Variants in ACACB observed in about 807,000 individuals in gnomAD.
ACACB encodes acetyl-CoA carboxylase 2.
In ACACB, 209 loss-of-function variants were observed where a neutral mutation model predicts 278.8. That is an observed-to-expected ratio of 0.75 (90% CI 0.67 to 0.84). The LOEUF (loss-of-function observed/expected upper bound fraction) is 0.84, where lower values mean the gene tolerates loss of function less well. Ranked by LOEUF, ACACB falls within the 40% of genes least tolerant of loss-of-function variation. The probability of loss-of-function intolerance (pLI) is 0.00; values close to 1 mark genes in which losing one functional copy is unlikely to be tolerated. For synonymous variants in ACACB, 1,174 were observed against 1,285.6 expected, an observed-to-expected ratio of 0.91 and a Z score of 1.86; for missense variants, 2,850 against 3,269.0, an observed-to-expected ratio of 0.87 and a Z score of 3.13.
intron 22 of ACACB, among the ~76,000 whole-genome samples, chr12:109,216,167 T>C (rs1372909385): frequency 6.6e-6 from 1 of 151,388 alleles, no homozygotes; most frequent in Admixed American, 6.6e-5. Context: ...ACTCCTGGGC[T>C]CCAGTGATCC....
intron 2 of ACACB, among the ~76,000 whole-genome samples, chr12:109,158,054 C>T (rs1166429050): frequency 6.6e-6 from 1 of 152,106 alleles, no homozygotes; most frequent in Non-Finnish European, 1.5e-5. Flanking sequence ...GCCGGGGACC[C>T]CACCTCTACC....
chr12:109,239,527 C>A (rs1441668147), intron 34 of ACACB, among the ~76,000 whole-genome samples: 1 of 152,238 alleles, frequency 6.6e-6, no homozygotes, highest in Non-Finnish European at 1.5e-5. Context: ...CTCTGGTTCT[C>A]AGGAATCTGG....
At chr12:109,258,054 C>G (rs1021846414) in intron 45 of ACACB, among the ~76,000 whole-genome samples, 2 of 152,258 alleles carry the variant, frequency 1.3e-5, no homozygotes, top group African/African-American at 4.8e-5. Flanking sequence ...TCCCAGCCCT[C>G]CTCTGATGGT....
chr12:109,131,314 C>T (rs572584441), intron 1 of ACACB: 315 of 152,892 alleles, frequency 2.1e-3, no homozygotes, highest in Non-Finnish European at 3.3e-3. Context: ...TGATGCACGC[C>T]ACCAGCCTCC....
At chr12:109,254,694 A>G (rs1234316315) in intron 44 of ACACB, among the ~76,000 whole-genome samples, 3 of 152,044 alleles carry the variant, frequency 2.0e-5, no homozygotes, top group Admixed American at 2.0e-4. Context: ...TCAGAGTTTC[A>G]AAGAGAAGAC....
rs375255379 is a variant in ACACB at position 109,193,741 on chromosome 12, C to T, written c.2481+12C>T. On this transcript the variant is annotated intron_variant, in intron 16 of 52. Transcript: ENST00000338432. Reference sequence around the variant, plus strand: ...AGTACATTCTCAAGGTAAATGCCCCCGTGCCTCTCCGATGTCTCCAACACT... The same window carrying T: ...AGTACATTCTCAAGGTAAATGCCCCTGTGCCTCTCCGATGTCTCCAACACT... 3.5e-5 allele frequency: 56 copies of T among 1,600,144 alleles called. 1 individual carries two copies. The highest frequency in any genetic ancestry group is 3.4e-4 in the South Asian group (31 of 90,778).
chr12:109,235,339 C>G lies in ACACB; in HGVS notation c.4374C>G (p.Leu1458=), dbSNP rs1358456451. The change falls in exon 32 of 53, where the codon CTC becomes CTG. Residue 1458 remains leucine (L), a synonymous_variant. Transcript: ENST00000338432. ...AAAATATCCTTGTGGATTATGGACT[C>G]CGACGAATCACATTCTTGATTGCCC... ...SKKNILVDYG[L]RRITFLIAQE... 6.2e-7 allele frequency: 1 copy of G among 1,614,142 alleles called. No homozygotes were observed. The highest frequency in any genetic ancestry group is 2.2e-5 in the East Asian group (1 of 44,880).
At chr12:109,203,593 T>A (rs530977137) in intron 19 of ACACB, among the ~76,000 whole-genome samples, 2 of 152,240 alleles carry the variant, frequency 1.3e-5, no homozygotes, top group African/African-American at 4.8e-5. Flanking sequence ...AAACAGGGCC[T>A]AGTACATCAG....
At position 109,264,052 on chromosome 12, in the gene ACACB, G is replaced by A; in HGVS notation, c.6788-180G>A. The A allele has an allele frequency of 5.5e-6, 4 of 721,850 alleles. No homozygotes were observed. In the South Asian group the frequency reaches 7.5e-5, roughly 14 times the overall value. The allele number at this position is 721,850 out of a possible 1,614,324, so 44.7% of individuals were successfully genotyped here. A position where few individuals can be genotyped will look rare whatever the true frequency, so the allele number is the denominator to read the frequency against. On this transcript the variant is annotated intron_variant, in intron 49 of 52. Coordinates refer to ENST00000338432, the MANE Select transcript of ACACB (RefSeq NM_001093.4). ...CCAGTGGACTCTGGGGGACCTAGGG[G>A]GCTGAGGGCAGCCTGTGTAGCAGCA...
intron 40 of ACACB, among the ~76,000 whole-genome samples, chr12:109,248,358 A>C (rs906189741): frequency 5.9e-5 from 9 of 152,246 alleles, no homozygotes; most frequent in African/African-American, 1.9e-4. Context: ...GAATTGACTC[A>C]CATGATCATA....
intron 28 of ACACB, among the ~76,000 whole-genome samples, chr12:109,227,843 G>A (rs1180074501): frequency 1.3e-5 from 2 of 152,156 alleles, no homozygotes; most frequent in African/African-American, 2.4e-5. Flanking sequence ...GACCAGCCTG[G>A]CCAACATGGT....
rs373490530 is a variant in ACACB at position 109,233,734 on chromosome 12, A to G, written c.4140-14A>G. The G allele has an allele frequency of 3.5e-4, 567 of 1,611,432 alleles. No individual in the cohort carries two copies. Among genetic ancestry groups the G allele is most frequent in the Non-Finnish European group, 4.6e-4 (542 of 1,178,404 alleles). On this transcript the variant is annotated splice_polypyrimidine_tract_variant and intron_variant, in intron 29 of 52. Transcript: ENST00000338432. The stretch of plus-strand genomic sequence containing the variant: ...AGCAGCCCCTCAGCCCTCCCTCTCT[A>G]CCCGCACCCCCAGAAATTTTGATGA...
chr12:109,205,234 A>G (rs2045466655), intron 19 of ACACB, among the ~76,000 whole-genome samples: 1 of 152,182 alleles, frequency 6.6e-6, no homozygotes, highest in Admixed American at 6.5e-5. Flanking sequence ...GGGTACCTGC[A>G]CTGTGATTCC....
At chr12:109,193,249 G>A (rs968462938) in intron 15 of ACACB, among the ~76,000 whole-genome samples, 3 of 136,080 alleles carry the variant, frequency 2.2e-5, no homozygotes, top group South Asian at 2.3e-4. Context: ...ACATAGTCTC[G>A]CTCTGTCACA....
At chr12:109,238,463 TA>T (rs1427471662) in intron 34 of ACACB, among the ~76,000 whole-genome samples, 8 of 101,058 alleles carry the variant, frequency 7.9e-5, no homozygotes, top group South Asian at 7.3e-4. Context: ...ATACATAATA[TA>T]ATATATAATA....
Position 109,241,268 on chromosome 12 carries a change from C to T in ACACB, c.5009C>T (p.Ser1670Phe), listed in dbSNP as rs1459927338. The change falls in exon 36 of 53, where the codon TCC becomes TTC. Residue 1670 changes from serine to phenylalanine, a missense_variant. Ser to Phe is a radical substitution (Grantham distance 155). This residue lies in a region of ACACB where 2,265 missense variants were observed against 2,561.3 expected (regional missense o/e 0.88). Coordinates refer to ENST00000338432, the MANE Select transcript of ACACB (RefSeq NM_001093.4). ...DISLYKEVTDSRSGNIMFHSF... is the reference protein window; with the variant it reads ...DISLYKEVTDFRSGNIMFHSF... Reference sequence around the variant, plus strand: ...AGCCTCTACAAAGAAGTGACTGACTCCAGATCTGGAAATGTAAGGCTGGCC... The same window carrying T: ...AGCCTCTACAAAGAAGTGACTGACTTCAGATCTGGAAATGTAAGGCTGGCC... 6.2e-7 allele frequency: 1 copy of T among 1,614,136 alleles called. No individual in the cohort carries two copies. The highest frequency in any genetic ancestry group is 8.5e-7 in the Non-Finnish European group (1 of 1,180,002).
rs141324768 is a variant in ACACB, at chr12:109,245,598, T to C, written c.5179-28T>C. Reference sequence around the variant, plus strand: ...GTTCTTCCCTACTGATGACTTCAAGTTTTTTCTCTTTCCTCTTCTCTCCCC... The same window carrying C: ...GTTCTTCCCTACTGATGACTTCAAGCTTTTTCTCTTTCCTCTTCTCTCCCC... On this transcript the variant is annotated intron_variant, in intron 37 of 52. Transcript: ENST00000338432. 297 of 1,607,642 alleles carry C rather than the reference T, an allele frequency of 1.8e-4. 1 individual carries two copies. In the African/African-American group the frequency reaches 3.2e-3, roughly 17 times the overall value.
At position 109,210,254 on chromosome 12, in the gene ACACB, C is replaced by CATAT. The variant is rs1344198344; in HGVS notation, c.3249+903_3249+904insATAT. ...ATATGTATATATGTATATATACACA[C>CATAT]ATGTGTGTATATGTACATATACACA... On this transcript the variant is annotated intron_variant, in intron 21 of 52. Transcript: ENST00000338432. 7.3e-4 allele frequency among the ~76,000 whole-genome samples: 18 copies of CATAT among 24,614 alleles called. 4 individuals carry two copies. The highest frequency in any genetic ancestry group is 2.5e-3 in the African/African-American group (14 of 5,594). The allele number at this position is 24,614 out of a possible 152,430, so 16.1% of individuals were successfully genotyped here.
At chr12:109,264,859 A>G (rs1396223458) in intron 50 of ACACB, among the ~76,000 whole-genome samples, 2 of 152,048 alleles carry the variant, frequency 1.3e-5, no homozygotes, top group African/African-American at 4.8e-5. Flanking sequence ...GTGTCGGTTG[A>G]GGTAGAAGTG....
Sources: allele counts gnomAD v4.1 joint callset (sites outside exome capture counted in the v4.1 genomes callset), GRCh38; gene constraint gnomAD v4.1.1; regional missense constraint gnomAD v4.1.1; transcripts MANE v1.5; gene names NCBI Gene and HGNC (gene_info 2026-07-23, HGNC 2026-07-21).